IQCM: variants seen among roughly 807,000 people sequenced by gnomAD.
IQCM encodes the protein IQ motif containing M, also known as IQ domain-containing protein M.
Under a neutral mutation model 57.6 loss-of-function variants are expected in IQCM, and 45 were observed. The observed-to-expected ratio is 0.78, with a 90% CI of 0.62 to 1.00. The LOEUF is 1.00. Ranked by LOEUF, IQCM falls within the 50% of genes least tolerant of loss-of-function variation. IQCM has a pLI of 0.00. For synonymous variants in IQCM, 148 were observed against 158.9 expected, an observed-to-expected ratio of 0.93 and a Z score of 0.51; for missense variants, 468 against 511.6, an observed-to-expected ratio of 0.91 and a Z score of 0.82.
At chr4:149,780,197 T>C (rs888536663) in intron 2 of IQCM, 1 of 152,154 alleles carries the variant, frequency 6.6e-6, no homozygotes, top group Non-Finnish European at 1.5e-5. Context: ...AGAAATGTTA[T>C]AATTATTTTT....
intron 8 of IQCM, among the ~76,000 whole-genome samples, chr4:149,600,330 CT>C (rs1206552238): frequency 6.6e-6 from 1 of 152,268 alleles, no homozygotes; most frequent in East Asian, 1.9e-4. Context: ...TTTATTTCCA[CT>C]TTTCCTGAGG....
chr4:149,564,136 A>G (rs939509681), intron 9 of IQCM, among the ~76,000 whole-genome samples: 1 of 152,210 alleles, frequency 6.6e-6, no homozygotes, highest in African/African-American at 2.4e-5. Context: ...AAGAAAGTGA[A>G]TATGTCAGTC....
At chr4:149,802,432 T>C (rs1024278799) in intron 2 of IQCM, among the ~76,000 whole-genome samples, 1 of 151,938 alleles carries the variant, frequency 6.6e-6, no homozygotes, top group Non-Finnish European at 1.5e-5. Flanking sequence ...ACACCATAAC[T>C]CATAACCTAT....
At chr4:149,373,717 T>A (rs1730518959) in intron 13 of IQCM, among the ~76,000 whole-genome samples, 2 of 152,150 alleles carry the variant, frequency 1.3e-5, no homozygotes, top group African/African-American at 4.8e-5. Flanking sequence ...CATTTATAAA[T>A]ATTTTCTATT....
At chr4:149,550,923 C>T (rs547801631) in intron 11 of IQCM, among the ~76,000 whole-genome samples, 3 of 152,210 alleles carry the variant, frequency 2.0e-5, no homozygotes, top group Non-Finnish European at 4.4e-5. Context: ...TTGGACAGAC[C>T]ACCATCTGTC....
At chr4:149,701,245 C>T (rs1250986308) in intron 5 of IQCM, among the ~76,000 whole-genome samples, 1 of 151,920 alleles carries the variant, frequency 6.6e-6, no homozygotes, top group Non-Finnish European at 1.5e-5. Context: ...GAAATAAAAA[C>T]CAAAGTAATG....
intron 7 of IQCM, among the ~76,000 whole-genome samples, chr4:149,658,869 T>C (rs1360836025): frequency 2.0e-5 from 3 of 152,086 alleles, no homozygotes; most frequent in Non-Finnish European, 2.9e-5. Flanking sequence ...TTCTAATATT[T>C]TTTGGTGGAG....
chr4:149,723,417 G>A (rs761614028), intron 5 of IQCM, among the ~76,000 whole-genome samples: 18 of 152,132 alleles, frequency 1.2e-4, no homozygotes, highest in Non-Finnish European at 2.4e-4. Flanking sequence ...GTTATTGGCT[G>A]TGGGTCTATC....
intron 2 of IQCM, among the ~76,000 whole-genome samples, chr4:149,800,113 C>A (rs960994371): frequency 1.3e-5 from 2 of 151,750 alleles, no homozygotes; most frequent in Non-Finnish European, 2.9e-5. Context: ...TACTAGCAAA[C>A]CAAATTCAGC....
chr4:149,790,830 ATT>A (rs565475866), intron 2 of IQCM, among the ~76,000 whole-genome samples: 4 of 149,306 alleles, frequency 2.7e-5, no homozygotes, highest in African/African-American at 9.8e-5. Flanking sequence ...GGTTTATATG[ATT>A]TTTTTTTTGG....
chr4:149,407,147 C>T (rs557342959), intron 13 of IQCM, among the ~76,000 whole-genome samples: 4 of 152,080 alleles, frequency 2.6e-5, no homozygotes, highest in Non-Finnish European at 5.9e-5. Flanking sequence ...GGGAAACCAC[C>T]ACCATGATTC....
intron 13 of IQCM, among the ~76,000 whole-genome samples, chr4:149,375,780 A>G (rs1381863742): frequency 6.6e-6 from 1 of 152,198 alleles, no homozygotes; most frequent in South Asian, 2.1e-4. Flanking sequence ...ATTTTCTCAG[A>G]AAACAGAATT....
chr4:149,370,121 T>G (rs568102407), intron 13 of IQCM, among the ~76,000 whole-genome samples: 1 of 152,316 alleles, frequency 6.6e-6, no homozygotes, highest in Non-Finnish European at 1.5e-5. Context: ...CTCAAGCTCC[T>G]GCCCTGAGGC....
At chr4:149,581,055 G>T (rs762908626) in intron 9 of IQCM, among the ~76,000 whole-genome samples, 2 of 151,638 alleles carry the variant, frequency 1.3e-5, no homozygotes, top group African/African-American at 2.4e-5. Context: ...AATAGAGTGT[G>T]TTAGAAGATG....
At position 149,582,598 on chromosome 4, in the gene IQCM, AGAG is replaced by A. The variant is rs534166461; in HGVS notation, c.749+5329_749+5331del. ...AATGTCCATGTGTGTACAGTGTTAT[AGAG>A]GAGATTTGTCCTTTGGAAAGAGAGT... On this transcript the variant is annotated intron_variant, in intron 9 of 13. Transcript: ENST00000636793. Among the ~76,000 whole-genome samples, 496 of 151,420 alleles carry A rather than the reference AGAG, an allele frequency of 3.3e-3. 1 individual carries two copies. Among genetic ancestry groups the A allele is most frequent in the Middle Eastern group, 6.8e-3 (2 of 292 alleles).
intron 10 of IQCM, among the ~76,000 whole-genome samples, chr4:149,556,399 G>C (rs991098288): frequency 6.0e-5 from 9 of 151,256 alleles, no homozygotes; most frequent in Admixed American, 2.0e-4. Flanking sequence ...TTTCTTACCA[G>C]TTTGTAAGAG....
At chr4:149,521,493 T>G (rs975868165) in intron 12 of IQCM, among the ~76,000 whole-genome samples, 3 of 152,196 alleles carry the variant, frequency 2.0e-5, no homozygotes, top group Non-Finnish European at 4.4e-5. Context: ...TTAGTTCAGT[T>G]TAAATATTTG....
At chr4:149,629,094 T>TACCCTCACCAATATACTCAGTTCTC (rs1408746625) in intron 7 of IQCM, among the ~76,000 whole-genome samples, 3 of 152,324 alleles carry the variant, frequency 2.0e-5, no homozygotes, top group African/African-American at 7.2e-5. Context: ...TAGCAGTTCT[T>TACCCTCACCAATATACTCAGTTCTC]ACCCTCACCA....
At chr4:149,535,734 C>A (rs1032540858) in intron 12 of IQCM, among the ~76,000 whole-genome samples, 5 of 151,880 alleles carry the variant, frequency 3.3e-5, no homozygotes, top group Admixed American at 6.6e-5. Flanking sequence ...TATATCAAAC[C>A]AAATAATAAG....
Sources: gnomAD v4.1 joint callset for allele counts (sites outside exome capture counted in the v4.1 genomes callset) on GRCh38, gnomAD v4.1.1 for gene constraint, MANE v1.5 for transcripts, NCBI Gene and HGNC (gene_info 2026-07-23, HGNC 2026-07-21) for gene names.